The following RAPGEF6 variants were observed in gnomAD, a reference collection of about 807,000 sequenced individuals.
The protein encoded by RAPGEF6 is PDZ domain containing guanine nucleotide exchange factor (GEF) 2.
RAPGEF6 carries 56 observed loss-of-function variants against 171.4 expected under a neutral mutation model. That is an observed-to-expected ratio of 0.33 (90% CI 0.26 to 0.41). The LOEUF (loss-of-function observed/expected upper bound fraction) is 0.41, where lower values mean the gene tolerates loss of function less well. Ranked by LOEUF, RAPGEF6 falls within the 10% of genes least tolerant of loss-of-function variation. The probability of loss-of-function intolerance (pLI) is 1.00; values close to 1 mark genes in which losing one functional copy is unlikely to be tolerated. For missense variants in RAPGEF6, 1,674 were observed against 1,921.4 expected, an observed-to-expected ratio of 0.87 and a Z score of 2.41; for synonymous variants, 692 against 650.1, an observed-to-expected ratio of 1.06 and a Z score of -0.98.
intron 8 of RAPGEF6, 69 bp downstream of exon 8, chr5:131,510,245 G>A (rs1232754034): frequency 2.9e-6 from 4 of 1,402,364 alleles, no homozygotes; most frequent in Non-Finnish European, 3.9e-6. Context: ...AGAATAATTT[G>A]TTATGCAGAA....
chr5:131,441,889 C>G (rs962234474), intron 23 of RAPGEF6, among the ~76,000 whole-genome samples: 6 of 151,434 alleles, frequency 4.0e-5, no homozygotes. Flanking sequence ...TATGGCCTAA[C>G]AGAAAAAAAA....
At chr5:131,537,287 T>G (rs376892815) in intron 6 of RAPGEF6, among the ~76,000 whole-genome samples, 2 of 152,180 alleles carry the variant, frequency 1.3e-5, no homozygotes, top group African/African-American at 4.8e-5. Context: ...TGTCACACCA[T>G]TAAGGGAGGA....
intron 1 of RAPGEF6, among the ~76,000 whole-genome samples, chr5:131,608,822 T>G (rs1295386072): frequency 6.6e-6 from 1 of 152,000 alleles, no homozygotes; most frequent in East Asian, 1.9e-4. Flanking sequence ...TCTCTTTTTT[T>G]TTTCGCAGCA....
chr5:131,444,326 T>G (rs1468096382), intron 22 of RAPGEF6, among the ~76,000 whole-genome samples: 1 of 152,204 alleles, frequency 6.6e-6, no homozygotes, highest in Non-Finnish European at 1.5e-5. Flanking sequence ...GTTAGAGCCA[T>G]GAAATACTTT....
At chr5:131,459,030 C>T (rs1273386446) in intron 19 of RAPGEF6, among the ~76,000 whole-genome samples, 1 of 152,032 alleles carries the variant, frequency 6.6e-6, no homozygotes, top group Non-Finnish European at 1.5e-5. Flanking sequence ...CCAGAAATAG[C>T]CAAAGAAAAG....
At position 131,430,898 on chromosome 5, in the gene RAPGEF6, A is replaced by T. The variant is rs368845352; in HGVS notation, c.4426T>A (p.Tyr1476Asn). 2 of 1,608,934 alleles carry T rather than the reference A, an allele frequency of 1.2e-6. No homozygotes were observed. The highest frequency in any genetic ancestry group is 1.7e-6 in the Non-Finnish European group (2 of 1,178,472). Reference protein sequence around the residue: ...LDPKDATDPVYKTVTSSTEKG... With the variant: ...LDPKDATDPVNKTVTSSTEKG... ...TCTGTACTTGAAGTGACAGTTTTAT[A>T]AACTGGGTCAGTGGCATCCTTGGGG... The change falls in exon 26 of 28, where the codon TAT (tyrosine) becomes AAT (asparagine). Residue 1476 changes from tyrosine (Y) to asparagine (N), a missense_variant. This residue lies in a region of RAPGEF6 where 552 missense variants were observed against 574.2 expected (regional missense o/e 0.96). Coordinates refer to ENST00000509018, the MANE Select transcript of RAPGEF6 (RefSeq NM_016340.6).
chr5:131,446,657 C>T lies in RAPGEF6; in HGVS notation c.3247G>A (p.Gly1083Arg). 6.2e-7 allele frequency: 1 copy of T among 1,614,170 alleles called. No individual in the cohort carries two copies. Among genetic ancestry groups the T allele is most frequent in the Non-Finnish European group, 8.5e-7 (1 of 1,179,992 alleles). The part of the protein sequence containing the change: ...STNSNMLDVQ[G>R]GAHKKRARRS... ...CGTGCCCTTTTTTTGTGAGCACCTC[C>T]CTGAACATCCAGCATGTTTGAATTT... The change falls in exon 22 of 28, where the codon GGA (glycine) becomes AGA (arginine). Residue 1083 changes from glycine to arginine, a missense_variant. Physicochemically the swap from Gly to Arg is moderately radical, Grantham distance 125. Coordinates refer to ENST00000509018, the MANE Select transcript of RAPGEF6 (RefSeq NM_016340.6).
intron 4 of RAPGEF6, among the ~76,000 whole-genome samples, chr5:131,567,523 C>A (rs895724961): frequency 2.0e-5 from 3 of 152,024 alleles, no homozygotes; most frequent in Non-Finnish European, 4.4e-5. Context: ...GTCTATTATT[C>A]ATTTACAAAT....
chr5:131,635,221 G>A lies in RAPGEF6; in HGVS notation c.-191C>T, dbSNP rs1766570054. Reference sequence around the variant, plus strand: ...CTCTACCCACGCGCGACTGGCCGGAGACAAGTCTGCGCGGGGGCGGGGGAG... The same window carrying A: ...CTCTACCCACGCGCGACTGGCCGGAAACAAGTCTGCGCGGGGGCGGGGGAG... On this transcript the variant is annotated 5_prime_UTR_variant, in exon 1 of 28. Transcript: ENST00000509018. 1.7e-6 allele frequency: 1 copy of A among 573,734 alleles called. No homozygotes were observed. Among genetic ancestry groups the A allele is most frequent in the Non-Finnish European group, 3.0e-6 (1 of 332,506 alleles). The allele number at this position is 573,734 out of a possible 1,614,324, so 35.5% of individuals were successfully genotyped here. A position where few individuals can be genotyped will look rare whatever the true frequency, so the allele number is the denominator to read the frequency against.
intron 6 of RAPGEF6, among the ~76,000 whole-genome samples, chr5:131,529,484 A>AG (rs1447220760): frequency 6.7e-6 from 1 of 148,666 alleles, no homozygotes; most frequent in African/African-American, 2.5e-5. Flanking sequence ...AAAAAAAAAA[A>AG]ATAATAATCT....
intron 16 of RAPGEF6, among the ~76,000 whole-genome samples, chr5:131,477,179 C>T (rs1425031499): frequency 6.6e-6 from 1 of 152,086 alleles, no homozygotes; most frequent in Admixed American, 6.6e-5. Flanking sequence ...ATATAAGATA[C>T]ATTCTCCGAA....
chr5:131,436,454 T>A, intron 24 of RAPGEF6: 1 of 1,282,474 alleles, frequency 7.8e-7, no homozygotes, highest in Non-Finnish European at 1.0e-6. Context: ...TTTCACTATT[T>A]AAAAATTCTA....
intron 7 of RAPGEF6, among the ~76,000 whole-genome samples, chr5:131,516,703 G>C (rs1251689003): frequency 6.6e-6 from 1 of 152,176 alleles, no homozygotes; most frequent in Non-Finnish European, 1.5e-5. Context: ...CTAGAAAGAA[G>C]TACTCCTTAT....
At chr5:131,467,359 C>T (rs1754431439) in intron 17 of RAPGEF6, among the ~76,000 whole-genome samples, 1 of 152,118 alleles carries the variant, frequency 6.6e-6, no homozygotes, top group South Asian at 2.1e-4. Context: ...AAAGGGTATC[C>T]CTTAATCCAA....
intron 24 of RAPGEF6, among the ~76,000 whole-genome samples, chr5:131,437,814 T>C (rs983607874): frequency 2.0e-5 from 3 of 152,154 alleles, no homozygotes; most frequent in Non-Finnish European, 4.4e-5. Context: ...TGTCCTGAGG[T>C]GGCCGCAGAG....
intron 3 of RAPGEF6, among the ~76,000 whole-genome samples, chr5:131,600,690 A>G (rs1049902747): frequency 6.6e-6 from 1 of 152,170 alleles, no homozygotes; most frequent in African/African-American, 2.4e-5. Flanking sequence ...TGGGTTTCTC[A>G]TTAAATTTAA....
chr5:131,444,173 T>TA (rs1394694759), intron 22 of RAPGEF6, among the ~76,000 whole-genome samples: 1 of 152,196 alleles, frequency 6.6e-6, no homozygotes, highest in Admixed American at 6.5e-5. Context: ...CTATAATAGC[T>TA]ATTATGCTTT....
intron 4 of RAPGEF6, among the ~76,000 whole-genome samples, chr5:131,576,667 G>A (rs992252087): frequency 3.3e-5 from 5 of 152,122 alleles, no homozygotes; most frequent in African/African-American, 7.2e-5. Context: ...CTCACGACCA[G>A]TTTTTTTCCT....
chr5:131,590,105 A>G (rs1055817102), intron 4 of RAPGEF6, among the ~76,000 whole-genome samples: 1 of 151,980 alleles, frequency 6.6e-6, no homozygotes, highest in African/African-American at 2.4e-5. Flanking sequence ...TTAAAATTAA[A>G]CTTTACCTGC....
Sources: gnomAD v4.1 joint callset for allele counts (sites outside exome capture counted in the v4.1 genomes callset) on GRCh38, gnomAD v4.1.1 for gene constraint, gnomAD v4.1.1 regional missense constraint, MANE v1.5 for transcripts, NCBI Gene and HGNC (gene_info 2026-07-23, HGNC 2026-07-21) for gene names.